The following ACSF3 variants were observed in gnomAD, a reference collection of about 807,000 sequenced individuals.
The protein encoded by ACSF3 is malonate--CoA ligase ACSF3, mitochondrial.
Under a neutral mutation model 53.2 loss-of-function variants are expected in ACSF3, and 78 were observed. That is an observed-to-expected ratio of 1.47 (90% CI 1.22 to 1.77). The LOEUF (loss-of-function observed/expected upper bound fraction) is 1.77. ACSF3 is among the 40% of genes most tolerant of loss of function. The pLI, the probability that ACSF3 is intolerant of heterozygous loss-of-function variation, is 0.00. For synonymous variants in ACSF3, 414 were observed against 333.1 expected (o/e 1.24, Z -2.65); for missense variants, 937 against 771.1 (o/e 1.22, Z -2.55).
intron 4 of ACSF3, among the ~76,000 whole-genome samples, chr16:89,108,523 T>C (rs72817445): frequency 0.036 from 5,424 of 152,258 alleles, 156 homozygotes; most frequent in East Asian, 0.14. Context: ...TAAGTAGCCA[T>C]TACCTCAAAC....
intron 4 of ACSF3, among the ~76,000 whole-genome samples, chr16:89,106,385 T>C (rs1024848161): frequency 2.0e-5 from 3 of 151,754 alleles, no homozygotes; most frequent in Non-Finnish European, 2.9e-5. Flanking sequence ...CTCCGCCTCC[T>C]GGGTTCAAGC....
intron 4 of ACSF3, among the ~76,000 whole-genome samples, chr16:89,107,528 C>T (rs745348205): frequency 5.3e-5 from 8 of 152,222 alleles, no homozygotes; most frequent in African/African-American, 7.2e-5. Context: ...TGCTGTTGAT[C>T]TGTGTGTTAC....
chr16:89,095,789 G>A (rs116571470), intron 1 of ACSF3, among the ~76,000 whole-genome samples: 26 of 152,328 alleles, frequency 1.7e-4, no homozygotes, highest in African/African-American at 5.5e-4. Context: ...CGGGCCATTC[G>A]TACATTCTCA....
intron 4 of ACSF3, among the ~76,000 whole-genome samples, chr16:89,110,516 T>C (rs1289948884): frequency 6.6e-6 from 1 of 152,264 alleles, no homozygotes; most frequent in Non-Finnish European, 1.5e-5. Context: ...TGTGGGTCTC[T>C]TGTCTAATCT....
intron 8 of ACSF3, among the ~76,000 whole-genome samples, chr16:89,134,519 C>T (rs946022410): frequency 4.6e-5 from 7 of 152,088 alleles, no homozygotes; most frequent in African/African-American, 7.2e-5. Context: ...CAGTGGTGGA[C>T]GGCGAGCGAA....
chr16:89,117,590 T>C (rs1905377032), intron 6 of ACSF3, among the ~76,000 whole-genome samples: 1 of 150,204 alleles, frequency 6.7e-6, no homozygotes, highest in East Asian at 2.0e-4. Context: ...CAGGGACCAC[T>C]GTCTACACTG....
intron 8 of ACSF3, among the ~76,000 whole-genome samples, chr16:89,143,705 A>C (rs1312317582): frequency 1.3e-5 from 2 of 152,070 alleles, no homozygotes; most frequent in Admixed American, 1.3e-4. Context: ...AGACTACCCC[A>C]GGGGCGCAGT....
intron 6 of ACSF3, among the ~76,000 whole-genome samples, chr16:89,116,381 C>T (rs1905116821): frequency 6.6e-6 from 1 of 152,134 alleles, no homozygotes; most frequent in Non-Finnish European, 1.5e-5. Flanking sequence ...CAGGCAGGGA[C>T]CAGCTGGTGC....
At chr16:89,138,871 AT>A (rs1911149378) in intron 8 of ACSF3, among the ~76,000 whole-genome samples, 1 of 152,244 alleles carries the variant, frequency 6.6e-6, no homozygotes, top group South Asian at 2.1e-4. Context: ...TTACATTTTT[AT>A]TTTTAAGCCA....
At chr16:89,138,782 G>A (rs186865133) in intron 8 of ACSF3, among the ~76,000 whole-genome samples, 2 of 152,374 alleles carry the variant, frequency 1.3e-5, no homozygotes, top group African/African-American at 2.4e-5. Context: ...GGCCCACGAG[G>A]CGGCCATGGT....
At chr16:89,139,892 C>T (rs1911408981) in intron 8 of ACSF3, among the ~76,000 whole-genome samples, 1 of 152,158 alleles carries the variant, frequency 6.6e-6, no homozygotes, top group Non-Finnish European at 1.5e-5. Context: ...CGCACCCAAC[C>T]ATGACCCCCT....
intron 7 of ACSF3, among the ~76,000 whole-genome samples, chr16:89,121,965 C>T (rs991222595): frequency 2.0e-4 from 31 of 152,158 alleles, no homozygotes; most frequent in African/African-American, 5.6e-4. Flanking sequence ...GAGGGCCACA[C>T]GGCGTGTCCC....
At chr16:89,123,593 G>A (rs1160319274) in intron 7 of ACSF3, among the ~76,000 whole-genome samples, 1 of 152,222 alleles carries the variant, frequency 6.6e-6, no homozygotes, top group Non-Finnish European at 1.5e-5. Flanking sequence ...CTCAGGACTA[G>A]TCATGAGAAT....
intron 8 of ACSF3, chr16:89,136,792 C>G: frequency 7.8e-7 from 1 of 1,287,258 alleles, no homozygotes. Flanking sequence ...CCAGGGGTCT[C>G]CGCTGCTGCT....
At chr16:89,102,898 T>G (rs749175241) in intron 4 of ACSF3, 139 bp downstream of exon 4, 2 of 1,243,992 alleles carry the variant, frequency 1.6e-6, no homozygotes, top group Non-Finnish European at 2.3e-6. Context: ...GCCCTCAGAC[T>G]AGGCATCTTT....
chr16:89,112,504 T>C (rs1303494303), intron 5 of ACSF3, among the ~76,000 whole-genome samples: 1 of 152,126 alleles, frequency 6.6e-6, no homozygotes. Context: ...TGTCACACTC[T>C]GTCTCTCTAT....
intron 4 of ACSF3, among the ~76,000 whole-genome samples, chr16:89,108,565 G>A (rs575282900): frequency 6.6e-6 from 1 of 152,220 alleles, no homozygotes; most frequent in South Asian, 2.1e-4. Context: ...CCCAGCCCCT[G>A]GCAACCACGA....
At chr16:89,138,630 G>C (rs1325550634) in intron 8 of ACSF3, among the ~76,000 whole-genome samples, 1 of 152,212 alleles carries the variant, frequency 6.6e-6, no homozygotes, top group East Asian at 1.9e-4. Flanking sequence ...TCCCTTCTCA[G>C]AGCCATATGT....
chr16:89,129,745 CTT>C (rs1395602766), intron 7 of ACSF3, among the ~76,000 whole-genome samples: 1 of 152,084 alleles, frequency 6.6e-6, no homozygotes, highest in Non-Finnish European at 1.5e-5. Context: ...TAATTTGTCT[CTT>C]AAGTTTTTGA....
Sources: allele counts gnomAD v4.1 joint callset (sites outside exome capture counted in the v4.1 genomes callset), GRCh38; gene constraint gnomAD v4.1.1; transcripts MANE v1.5; gene names NCBI Gene and HGNC (gene_info 2026-07-23, HGNC 2026-07-21).